The following PDE11A variants were observed in gnomAD, a reference collection of about 807,000 sequenced individuals.
The protein encoded by PDE11A is dual 3',5'-cyclic-AMP and -GMP phosphodiesterase 11A.
Under a neutral mutation model 100.5 loss-of-function variants are expected in PDE11A, and 100 were observed. The observed-to-expected ratio is 1.00, with a 90% CI of 0.85 to 1.18. PDE11A has a LOEUF of 1.18. Ranked by LOEUF, PDE11A falls within the 50% of genes most tolerant of loss-of-function variation. PDE11A has a pLI of 0.00. For synonymous variants in PDE11A, 381 were observed against 420.8 expected (o/e 0.91, Z 1.16); for missense variants, 1,141 against 1,152.6 (o/e 0.99, Z 0.15).
At chr2:177,661,168 CAT>C (rs568071808) in intron 19 of PDE11A, among the ~76,000 whole-genome samples, 1 of 152,212 alleles carries the variant, frequency 6.6e-6, no homozygotes, top group Non-Finnish European at 1.5e-5. Context: ...TGCTTTGTCT[CAT>C]GTGTACTCCT....
chr2:177,771,410 C>T (rs545270063), intron 9 of PDE11A, among the ~76,000 whole-genome samples: 3 of 152,304 alleles, frequency 2.0e-5, no homozygotes, highest in Middle Eastern at 3.4e-3. Flanking sequence ...AGCAAAGCCA[C>T]AATGGAAGCA....
At position 177,629,386 on chromosome 2, in the gene PDE11A, A is replaced by G; in HGVS notation, c.*21T>C. 1 of 1,610,426 alleles carries G rather than the reference A, an allele frequency of 6.2e-7. No individual in the cohort carries two copies. The highest frequency in any genetic ancestry group is 8.5e-7 in the Non-Finnish European group (1 of 1,177,492). ...GCCCTTCAGGCTGTAGTCATTTTGC[A>G]GCTGCAGCTGACCTGGAGGTTTAGT... is the stretch of plus-strand genomic sequence containing the variant. On this transcript the variant is annotated 3_prime_UTR_variant, in exon 20 of 20. Coordinates refer to ENST00000286063, the MANE Select transcript of PDE11A (RefSeq NM_016953.4).
At chr2:177,904,648 G>A (rs2084752354) in intron 3 of PDE11A, among the ~76,000 whole-genome samples, 1 of 146,688 alleles carries the variant, frequency 6.8e-6, no homozygotes, top group Non-Finnish European at 1.5e-5. Context: ...TCCGCCTCCT[G>A]GGTTCAAGCA....
chr2:177,752,118 G>A (rs1441251978), intron 10 of PDE11A, among the ~76,000 whole-genome samples: 1 of 152,178 alleles, frequency 6.6e-6, no homozygotes, highest in African/African-American at 2.4e-5. Context: ...GACCTGTTGA[G>A]AGCTCAGGTT....
At chr2:178,064,207 A>T (rs1225117848) in intron 1 of PDE11A, among the ~76,000 whole-genome samples, 1 of 152,216 alleles carries the variant, frequency 6.6e-6, no homozygotes, top group Non-Finnish European at 1.5e-5. Flanking sequence ...TCACACTCTG[A>T]TGCCTTTTAC....
intron 1 of PDE11A, chr2:178,018,047 C>T: frequency 1.2e-5 from 2 of 163,704 alleles, no homozygotes; most frequent in Non-Finnish European, 2.7e-5. Context: ...AAGCTGATCT[C>T]TGTTGCTTTG....
chr2:177,849,879 A>G (rs1363546180), intron 5 of PDE11A, among the ~76,000 whole-genome samples: 5 of 152,174 alleles, frequency 3.3e-5, no homozygotes, highest in African/African-American at 1.2e-4. Context: ...TCAATGAAAT[A>G]AAAGAGGATA....
intron 7 of PDE11A, among the ~76,000 whole-genome samples, chr2:177,818,516 C>A (rs893705301): frequency 6.6e-6 from 1 of 151,842 alleles, no homozygotes; most frequent in African/African-American, 2.4e-5. Flanking sequence ...TGTTAACTAC[C>A]TAAGAAGGTT....
chr2:178,072,363 G>C lies in PDE11A; in HGVS notation c.75C>G (p.Tyr25Ter), dbSNP rs748589126. The C allele has an allele frequency of 6.2e-7, 1 of 1,613,960 alleles. No individual in the cohort carries two copies. The highest frequency in any genetic ancestry group is 8.5e-7 in the Non-Finnish European group (1 of 1,180,036). ...TCTCCTGCTTCCCCTTCCGCATCAA[G>C]TAATCTTCAAACAACTCTGGGTGCC... is the stretch of plus-strand genomic sequence containing the variant. Reference protein sequence around the residue: ...LDRHPELFEDYLMRKGKQEMV... With the variant: ...LDRHPELFED Residue 25 changes from tyrosine (Y) to a stop codon, truncating the protein, a stop_gained, in exon 1 of 20, where the codon TAC becomes TAG. Coordinates refer to ENST00000286063, the MANE Select transcript of PDE11A (RefSeq NM_016953.4). LOFTEE classifies it high-confidence loss of function.
chr2:177,983,958 C>T (rs1031845379), intron 2 of PDE11A, among the ~76,000 whole-genome samples: 1 of 152,184 alleles, frequency 6.6e-6, no homozygotes, highest in African/African-American at 2.4e-5. Flanking sequence ...ACAAAACCGA[C>T]TCCCAAAGTA....
At chr2:178,056,861 A>T (rs2086905000) in intron 1 of PDE11A, among the ~76,000 whole-genome samples, 2 of 152,134 alleles carry the variant, frequency 1.3e-5, no homozygotes, top group South Asian at 4.2e-4. Context: ...GAAAAGAGAA[A>T]AGAGAATGAG....
At position 177,998,528 on chromosome 2, in the gene PDE11A, T is replaced by G. The variant is rs2086104895; in HGVS notation, c.1071+15774A>C. On this transcript the variant is annotated intron_variant, in intron 2 of 19. Transcript: ENST00000286063. ...TAAATTGAGGCAGTTCTTTAATTGC[T>G]TGACGTCAAATAGATACATCTTCAT... is the stretch of plus-strand genomic sequence containing the variant. 3.6e-6 allele frequency: 5 copies of G among 1,377,064 alleles called. No homozygotes were observed. The Admixed American group carries it at 5.0e-5, about 14-fold the overall frequency. 85.3% of individuals were successfully genotyped at this position (1,377,064 alleles called of 1,614,324 possible).
intron 10 of PDE11A, among the ~76,000 whole-genome samples, chr2:177,768,145 G>A (rs1156547745): frequency 6.6e-6 from 1 of 152,148 alleles, no homozygotes; most frequent in Non-Finnish European, 1.5e-5. Flanking sequence ...CGGCCCTTGC[G>A]AGGAGTTCTT....
At chr2:177,740,969 T>C (rs997142280) in intron 10 of PDE11A, among the ~76,000 whole-genome samples, 1 of 152,196 alleles carries the variant, frequency 6.6e-6, no homozygotes, top group African/African-American at 2.4e-5. Context: ...GCTAAAGCTG[T>C]GGCCTTGAGC....
intron 6 of PDE11A, among the ~76,000 whole-genome samples, chr2:177,829,803 C>T (rs963472148): frequency 2.6e-5 from 4 of 152,088 alleles, no homozygotes; most frequent in Non-Finnish European, 5.9e-5. Flanking sequence ...CTGCCACCAC[C>T]CCCAACTCTG....
intron 5 of PDE11A, among the ~76,000 whole-genome samples, chr2:177,849,166 T>C (rs1440150402): frequency 6.6e-6 from 1 of 152,154 alleles, no homozygotes; most frequent in Non-Finnish European, 1.5e-5. Flanking sequence ...AGCTGGCACA[T>C]GGAAACCCAT....
intron 2 of PDE11A, among the ~76,000 whole-genome samples, chr2:177,930,789 A>G (rs1364447044): frequency 1.3e-5 from 2 of 152,190 alleles, no homozygotes; most frequent in Admixed American, 6.5e-5. Context: ...ACAAATGCAA[A>G]TGCTCATCCT....
intron 1 of PDE11A, among the ~76,000 whole-genome samples, chr2:178,058,120 C>T (rs565732881): frequency 6.6e-5 from 10 of 152,152 alleles, no homozygotes; most frequent in Non-Finnish European, 1.0e-4. Flanking sequence ...CCTCCCAAAG[C>T]GCTGGGATTA....
At position 177,624,015 on chromosome 2, in the gene PDE11A, T is replaced by C. The variant is rs182788100; in HGVS notation, c.*5392A>G. 2.0e-5 allele frequency: 3 copies of C among 152,358 alleles called. No homozygotes were observed. Among genetic ancestry groups the C allele is most frequent in the Admixed American group, 2.0e-4 (3 of 15,302 alleles). The allele number at this position is 152,358 out of a possible 1,614,324, so 9.4% of individuals were successfully genotyped here. A position where few individuals can be genotyped will look rare whatever the true frequency, so the allele number is the denominator to read the frequency against. The stretch of plus-strand genomic sequence containing the variant: ...TATTTCTGCCCTCTATATGTTTTAT[T>C]CTATTATTCTTCACTTAGGAAGCTG... On this transcript the variant is annotated 3_prime_UTR_variant, in exon 20 of 20. Coordinates refer to ENST00000286063, the MANE Select transcript of PDE11A (RefSeq NM_016953.4).
Sources: gnomAD v4.1 joint callset for allele counts (sites outside exome capture counted in the v4.1 genomes callset) on GRCh38, gnomAD v4.1.1 for gene constraint, MANE v1.5 for transcripts, NCBI Gene and HGNC (gene_info 2026-07-23, HGNC 2026-07-21) for gene names.